ASH1L: variants seen among roughly 807,000 people sequenced by gnomAD.
ASH1L encodes ASH1 like histone lysine methyltransferase.
A neutral mutation model predicts 269.0 loss-of-function variants in ASH1L; 23 were observed. That is an observed-to-expected ratio of 0.09 (90% CI 0.06 to 0.12). The LOEUF (loss-of-function observed/expected upper bound fraction) is 0.12, where lower values mean the gene tolerates loss of function less well. ASH1L is among the 10% of genes least tolerant of loss of function. ASH1L has a pLI of 1.00. For missense variants in ASH1L, 2,912 were observed against 3,567.8 expected (o/e 0.82, Z 4.68); for synonymous variants, 1,187 against 1,253.5 (o/e 0.95, Z 1.12).
chr1:155,396,701 C>T (rs1344456452), intron 6 of ASH1L, among the ~76,000 whole-genome samples: 14 of 151,570 alleles, frequency 9.2e-5, no homozygotes, highest in African/African-American at 3.1e-4. Flanking sequence ...CAGTGGCTCA[C>T]GCTTGTAATC....
intron 5 of ASH1L, among the ~76,000 whole-genome samples, chr1:155,432,540 T>C (rs958489855): frequency 1.3e-5 from 2 of 152,116 alleles, no homozygotes; most frequent in African/African-American, 2.4e-5. Context: ...TTAGAACAAG[T>C]TGAAAAACTG....
chr1:155,371,050 A>G, intron 10 of ASH1L, 67 bp from the exon 11 acceptor site: 1 of 1,396,998 alleles, frequency 7.2e-7, no homozygotes, highest in South Asian at 1.3e-5. Context: ...CCATTTTTAA[A>G]TTTTACAAAC....
intron 15 of ASH1L, among the ~76,000 whole-genome samples, chr1:155,356,431 G>A (rs1008068648): frequency 2.6e-5 from 4 of 151,680 alleles, no homozygotes; most frequent in Admixed American, 1.3e-4. Context: ...TCAGGAGATC[G>A]AGACCATCCT....
chr1:155,339,266 C>T, intron 26 of ASH1L, 62 bp downstream of exon 26: 6 of 1,500,248 alleles, frequency 4.0e-6, no homozygotes, highest in Non-Finnish European at 5.6e-6. Context: ...TGTTTGTTTT[C>T]TTGATCCATT....
chr1:155,363,994 C>CAA (rs113274682), intron 12 of ASH1L, among the ~76,000 whole-genome samples: 3 of 150,306 alleles, frequency 2.0e-5, no homozygotes, highest in Admixed American at 1.3e-4. Context: ...AACAAAAAAC[C>CAA]AAAAAAAGGT....
At chr1:155,527,089 TC>T (rs925739884) in intron 1 of ASH1L, among the ~76,000 whole-genome samples, 1 of 151,930 alleles carries the variant, frequency 6.6e-6, no homozygotes, top group Non-Finnish European at 1.5e-5. Flanking sequence ...ATGCCTGTAA[TC>T]CCAGCTACTC....
At position 155,478,305 on chromosome 1, in the gene ASH1L, T is replaced by C; in HGVS notation, c.4565A>G (p.Asp1522Gly). The change falls in exon 3 of 28, where the codon GAT becomes GGT. Residue 1522 changes from aspartate to glycine, a missense_variant. By Grantham distance (94) the Asp-to-Gly change is moderately conservative (BLOSUM62 -1). Coordinates refer to ENST00000392403, the MANE Select transcript of ASH1L (RefSeq NM_018489.3). This position sits in a 1 kb window ranked among gnomAD's most constrained non-coding sequence, Gnocchi z 4.6. ...ESLKRYRFGK[D>G]AVGERYKHKE... The stretch of plus-strand genomic sequence containing the variant: ...ATGCTTATATCGCTCTCCAACAGCA[T>C]CCTTTCCAAATCTATAGCGCTTCAA... The C allele has an allele frequency of 1.2e-6, 2 of 1,614,128 alleles. No homozygotes were observed. Among genetic ancestry groups the C allele is most frequent in the Non-Finnish European group, 8.5e-7 (1 of 1,180,032 alleles).
chr1:155,442,403 T>C (rs1362897679), intron 4 of ASH1L, among the ~76,000 whole-genome samples: 6 of 151,690 alleles, frequency 4.0e-5, no homozygotes, highest in Non-Finnish European at 1.5e-5. Flanking sequence ...GCCAACATGG[T>C]GAAGCCCCGT....
At chr1:155,550,553 C>A (rs1250152844) in intron 1 of ASH1L, among the ~76,000 whole-genome samples, 1 of 152,150 alleles carries the variant, frequency 6.6e-6, no homozygotes, top group Non-Finnish European at 1.5e-5. Context: ...ACAGGTACTC[C>A]TGTCTCAGGG....
At chr1:155,465,478 G>C (rs1488141415) in intron 3 of ASH1L, among the ~76,000 whole-genome samples, 1 of 152,104 alleles carries the variant, frequency 6.6e-6, no homozygotes, top group Admixed American at 6.5e-5. Flanking sequence ...TGGAATGTTT[G>C]ATGTTTGCAA....
chr1:155,453,878 A>G (rs1663681692), intron 4 of ASH1L, among the ~76,000 whole-genome samples: 4 of 152,068 alleles, frequency 2.6e-5, no homozygotes, highest in Admixed American at 2.6e-4. Context: ...TGAGGCGGGC[A>G]GATCACGAGG....
chr1:155,379,981 C>T, intron 8 of ASH1L, 62 bp downstream of exon 8: 1 of 1,215,110 alleles, frequency 8.2e-7, no homozygotes, highest in Non-Finnish European at 1.2e-6. Context: ...AAAACACTTG[C>T]ATTTCCACCC....
intron 17 of ASH1L, among the ~76,000 whole-genome samples, chr1:155,349,982 C>T (rs1570964507): frequency 6.7e-6 from 1 of 149,508 alleles, no homozygotes; most frequent in South Asian, 2.1e-4. Context: ...CTCCACCTCC[C>T]GGGTTCATGC....
intron 12 of ASH1L, among the ~76,000 whole-genome samples, chr1:155,365,859 T>C (rs1422392438): frequency 2.0e-5 from 3 of 152,158 alleles, no homozygotes; most frequent in Admixed American, 2.0e-4. Context: ...CTACCTTGGA[T>C]ACAAGAGACC....
At chr1:155,500,596 G>A (rs1167572386) in intron 2 of ASH1L, among the ~76,000 whole-genome samples, 3 of 152,002 alleles carry the variant, frequency 2.0e-5, no homozygotes, top group Admixed American at 6.6e-5. Context: ...GAGATGGCAC[G>A]CAGCCCATAG....
At chr1:155,440,457 G>T in intron 4 of ASH1L, 1 of 378,156 alleles carries the variant, frequency 2.6e-6, no homozygotes, top group Non-Finnish European at 3.6e-6. Flanking sequence ...ATTTAACTGC[G>T]GAGGTCCTCA....
chr1:155,559,705 T>C (rs760916215), intron 1 of ASH1L, among the ~76,000 whole-genome samples: 25 of 152,186 alleles, frequency 1.6e-4, no homozygotes, highest in Non-Finnish European at 3.1e-4. Context: ...CTCTTCCTTG[T>C]CCTTTTGAGA....
chr1:155,507,460 TCTAGA>T (rs1667887466), intron 2 of ASH1L, among the ~76,000 whole-genome samples: 1 of 152,196 alleles, frequency 6.6e-6, no homozygotes, highest in Admixed American at 6.5e-5. Flanking sequence ...AATCCACTCA[TCTAGA>T]CTAAAGTAAC....
At chr1:155,545,291 C>T (rs569320952) in intron 1 of ASH1L, among the ~76,000 whole-genome samples, 3 of 150,254 alleles carry the variant, frequency 2.0e-5, no homozygotes, top group African/African-American at 7.3e-5. Flanking sequence ...CTAGTGGCCA[C>T]CATCATTTTA....
Sources: gnomAD v4.1 joint callset for allele counts (sites outside exome capture counted in the v4.1 genomes callset) on GRCh38, gnomAD v4.1.1 for gene constraint, Gnocchi (gnomAD v3.1) non-coding constraint, MANE v1.5 for transcripts, NCBI Gene and HGNC (gene_info 2026-07-23, HGNC 2026-07-21) for gene names.